Variants in TMEFF2 observed in about 807,000 individuals in gnomAD.
TMEFF2 encodes transmembrane protein with EGF like and two follistatin like domains 2.
TMEFF2 carries 28 observed loss-of-function variants against 53.8 expected under a neutral mutation model. That is an observed-to-expected ratio of 0.52 (90% CI 0.39 to 0.71). The LOEUF (loss-of-function observed/expected upper bound fraction) is 0.71. Among genes scored for constraint, TMEFF2 ranks in the 30% least tolerant of loss-of-function variants. The pLI is 0.00. For missense variants in TMEFF2, 353 were observed against 455.2 expected (o/e 0.78, Z 2.04); for synonymous variants, 162 against 166.3 (o/e 0.97, Z 0.20).
At chr2:192,038,351 C>T (rs918746274) in intron 5 of TMEFF2, among the ~76,000 whole-genome samples, 3 of 152,124 alleles carry the variant, frequency 2.0e-5, no homozygotes, top group Non-Finnish European at 4.4e-5. Context: ...ATAACTTGTA[C>T]TGCTCTTTTG....
chr2:192,050,474 C>T (rs1482238536), intron 5 of TMEFF2, among the ~76,000 whole-genome samples: 3 of 152,000 alleles, frequency 2.0e-5, no homozygotes, highest in African/African-American at 7.3e-5. Flanking sequence ...TTTTTACTTT[C>T]ATAACCCTCC....
intron 7 of TMEFF2, among the ~76,000 whole-genome samples, chr2:191,962,786 C>T (rs4853485): frequency 0.78 from 119,316 of 152,118 alleles, 46,862 homozygotes; most frequent in East Asian, 0.94. Context: ...AGCTCCTTAG[C>T]TGTTTGCTCT....
At chr2:191,960,016 A>G (rs958464784) in intron 7 of TMEFF2, among the ~76,000 whole-genome samples, 1 of 152,134 alleles carries the variant, frequency 6.6e-6, no homozygotes, top group Non-Finnish European at 1.5e-5. Flanking sequence ...AGGTGGGACT[A>G]TAGGCATGTG....
intron 4 of TMEFF2, among the ~76,000 whole-genome samples, chr2:192,076,985 T>C (rs1319786246): frequency 6.6e-6 from 1 of 152,184 alleles, no homozygotes; most frequent in Non-Finnish European, 1.5e-5. Flanking sequence ...TTTCCTACTG[T>C]TAGCATTTCA....
At chr2:192,130,738 C>T (rs940774875) in intron 4 of TMEFF2, among the ~76,000 whole-genome samples, 12 of 151,930 alleles carry the variant, frequency 7.9e-5, no homozygotes, top group Admixed American at 3.3e-4. Context: ...AGACTCAGCC[C>T]GCCTGCACCC....
chr2:192,189,315 G>A (rs190496277), intron 2 of TMEFF2, among the ~76,000 whole-genome samples: 27 of 152,080 alleles, frequency 1.8e-4, no homozygotes, highest in Admixed American at 1.6e-3. Flanking sequence ...AGACCGAGGC[G>A]GGTGGATCTC....
chr2:192,135,485 T>C (rs1055477240), intron 4 of TMEFF2, among the ~76,000 whole-genome samples: 1 of 152,014 alleles, frequency 6.6e-6, no homozygotes, highest in Non-Finnish European at 1.5e-5. Context: ...AACCCAACAA[T>C]ACCACCCCTT....
chr2:192,019,817 G>T (rs1686822836), intron 5 of TMEFF2, among the ~76,000 whole-genome samples: 1 of 151,974 alleles, frequency 6.6e-6, no homozygotes, highest in Non-Finnish European at 1.5e-5. Context: ...TGTTCAAAAT[G>T]ATTAGAACAC....
At chr2:192,035,021 C>T (rs1687250628) in intron 5 of TMEFF2, 2 of 152,164 alleles carry the variant, frequency 1.3e-5, no homozygotes, top group South Asian at 2.1e-4. Context: ...CTTAGTTTCC[C>T]CACTGTTTCC....
At chr2:192,161,721 C>T (rs968223621) in intron 4 of TMEFF2, among the ~76,000 whole-genome samples, 23 of 152,222 alleles carry the variant, frequency 1.5e-4, no homozygotes, top group Admixed American at 1.3e-3. Context: ...TAATGTGTTG[C>T]CTAGATCATG....
intron 7 of TMEFF2, among the ~76,000 whole-genome samples, chr2:191,994,801 G>A (rs1686184534): frequency 6.6e-6 from 1 of 151,922 alleles, no homozygotes; most frequent in Admixed American, 6.6e-5. Flanking sequence ...TATTGATGAA[G>A]GGAGAATAAC....
rs1489734329 is a variant in TMEFF2 at position 192,075,330 on chromosome 2, T to TAC, written c.440-17556_440-17555insGT. The stretch of plus-strand genomic sequence containing the variant: ...ATATATATATATATATATATATATA[T>TAC]ATACATACATACTATGTATATCCTT... On this transcript the variant is annotated intron_variant, in intron 4 of 9. Transcript: ENST00000272771. Among the ~76,000 whole-genome samples, 18 of 100,962 alleles carry TAC rather than the reference T, an allele frequency of 1.8e-4. 1 individual carries two copies. Among genetic ancestry groups the TAC allele is most frequent in the East Asian group, 8.4e-4 (3 of 3,584 alleles). The allele number at this position is 100,962 out of a possible 152,430, so 66.2% of individuals were successfully genotyped here. A position where few individuals can be genotyped will look rare whatever the true frequency, so the allele number is the denominator to read the frequency against.
chr2:192,151,107 A>C (rs1401283165), intron 4 of TMEFF2, among the ~76,000 whole-genome samples: 1 of 151,666 alleles, frequency 6.6e-6, no homozygotes, highest in African/African-American at 2.4e-5. Context: ...AGTTTTCCTC[A>C]ATCTTGCTCA....
chr2:192,127,407 TTAAG>T (rs1273504533), intron 4 of TMEFF2, among the ~76,000 whole-genome samples: 4 of 152,212 alleles, frequency 2.6e-5, no homozygotes, highest in Admixed American at 2.0e-4. Context: ...CCTTCTGTCT[TTAAG>T]TGTTACCCTT....
chr2:192,084,172 G>T (rs1688615029), intron 4 of TMEFF2, among the ~76,000 whole-genome samples: 1 of 152,104 alleles, frequency 6.6e-6, no homozygotes, highest in South Asian at 2.1e-4. Flanking sequence ...CTAAAGTCAG[G>T]CTCTTCCGCT....
chr2:191,979,253 C>T (rs745988888), intron 7 of TMEFF2, among the ~76,000 whole-genome samples: 1 of 152,166 alleles, frequency 6.6e-6, no homozygotes, highest in Non-Finnish European at 1.5e-5. Flanking sequence ...GGAGACCTCA[C>T]GAAGCCTTTG....
intron 4 of TMEFF2, among the ~76,000 whole-genome samples, chr2:192,075,313 A>ATG (rs1175972879): frequency 3.2e-5 from 4 of 126,738 alleles, no homozygotes; most frequent in African/African-American, 1.3e-4. Context: ...ATATATATAT[A>ATG]TATATATATA....
At chr2:192,109,076 G>C (rs1368402354) in intron 4 of TMEFF2, among the ~76,000 whole-genome samples, 1 of 151,962 alleles carries the variant, frequency 6.6e-6, no homozygotes. Context: ...TAGTAAAAAA[G>C]TTCTGGAAAT....
rs1367915430 is a variant in TMEFF2 at position 192,194,199 on chromosome 2, C to G, written c.172+154G>C. 6.6e-6 allele frequency among the ~76,000 whole-genome samples: 1 copy of G among 152,146 alleles called. No individual in the cohort carries two copies. On this transcript the variant is annotated intron_variant, in intron 1 of 9. Coordinates refer to ENST00000272771, the MANE Select transcript of TMEFF2 (RefSeq NM_016192.4). The surrounding 1 kb of genome is among the most constrained non-coding windows in gnomAD (Gnocchi z 4.2). ...CTCACCCCCGGGCCTGCAACAGTTC[C>G]CCTTGTTTCTCTGGATAGAGGTGGG...
Sources: gnomAD v4.1 joint callset for allele counts (sites outside exome capture counted in the v4.1 genomes callset) on GRCh38, gnomAD v4.1.1 for gene constraint, Gnocchi (gnomAD v3.1) non-coding constraint, MANE v1.5 for transcripts, NCBI Gene and HGNC (gene_info 2026-07-23, HGNC 2026-07-21) for gene names.